Variants in TSHZ2 observed in about 807,000 individuals in gnomAD.
TSHZ2 encodes the protein teashirt homolog 2.
In TSHZ2, 21 loss-of-function variants were observed where a neutral mutation model predicts 74.4. The ratio of observed to expected loss-of-function variants is 0.28; its 90% CI spans 0.20 to 0.41. The LOEUF is 0.41. Among genes scored for constraint, TSHZ2 ranks in the 10% least tolerant of loss-of-function variants. The pLI is 1.00. For synonymous variants in TSHZ2, 540 were observed against 515.3 expected (o/e 1.05, Z -0.65); for missense variants, 1,244 against 1,293.5 (o/e 0.96, Z 0.59).
At chr20:53,413,996 C>T (rs1452834722) in intron 2 of TSHZ2, among the ~76,000 whole-genome samples, 1 of 152,040 alleles carries the variant, frequency 6.6e-6, no homozygotes, top group East Asian at 1.9e-4. Context: ...ACAAAATTAG[C>T]TGAGCATAGT....
At chr20:53,095,653 T>C (rs1365917458) in intron 1 of TSHZ2, among the ~76,000 whole-genome samples, 1 of 152,218 alleles carries the variant, frequency 6.6e-6, no homozygotes, top group African/African-American at 2.4e-5. Context: ...CTAAGCACTC[T>C]TGACATTTAG....
chr20:53,230,318 A>C (rs1234471130), intron 1 of TSHZ2, among the ~76,000 whole-genome samples: 1 of 152,156 alleles, frequency 6.6e-6, no homozygotes, highest in African/African-American at 2.4e-5. Context: ...TAGATTACAT[A>C]ATTTATTATT....
At chr20:53,115,843 C>T (rs1986653119) in intron 1 of TSHZ2, among the ~76,000 whole-genome samples, 1 of 151,978 alleles carries the variant, frequency 6.6e-6, no homozygotes, top group African/African-American at 2.4e-5. Flanking sequence ...AGGGGAGGCA[C>T]ATAAGCAGGA....
At chr20:53,163,349 G>C in intron 1 of TSHZ2, among the ~76,000 whole-genome samples, 1 of 128,014 alleles carries the variant, frequency 7.8e-6, no homozygotes, top group East Asian at 2.6e-4. Context: ...GTGCACGCAC[G>C]CTCTCTGTCT....
At chr20:53,293,100 C>T (rs568939203) in intron 2 of TSHZ2, among the ~76,000 whole-genome samples, 2 of 152,224 alleles carry the variant, frequency 1.3e-5, no homozygotes, top group African/African-American at 2.4e-5. Context: ...ACAAAGGCCA[C>T]GCTCTTAAGC....
chr20:53,202,987 G>A (rs1197275540), intron 1 of TSHZ2, among the ~76,000 whole-genome samples: 2 of 152,086 alleles, frequency 1.3e-5, no homozygotes, highest in African/African-American at 4.8e-5. Flanking sequence ...ATCATACGTA[G>A]GCAGATCAAG....
intron 1 of TSHZ2, among the ~76,000 whole-genome samples, chr20:53,157,406 GTT>G (rs369371699): frequency 1.6e-4 from 21 of 134,776 alleles, no homozygotes; most frequent in Admixed American, 2.2e-4. Flanking sequence ...CATTGAGTTG[GTT>G]TTTTTTTTTT....
In TSHZ2 at chr20:53,326,930, A is replaced by C. The variant is rs112181195; in HGVS notation, c.*8+70359A>C. 9.9e-3 allele frequency among the ~76,000 whole-genome samples: 1,505 copies of C among 152,350 alleles called. 21 individuals carry two copies. The highest frequency in any genetic ancestry group is 0.034 in the African/African-American group (1,434 of 41,572). ...CGAGATGAAAATTAGGTCCCGTGAT[A>C]CATAAGTTCAGATGTCCCTGGAAAG... is the stretch of plus-strand genomic sequence containing the variant. On this transcript the variant is annotated intron_variant, in intron 2 of 2. Transcript: ENST00000371497.
At chr20:53,135,467 A>T (rs1049299316) in intron 1 of TSHZ2, among the ~76,000 whole-genome samples, 21 of 152,322 alleles carry the variant, frequency 1.4e-4, no homozygotes, top group African/African-American at 4.8e-4. Context: ...TGCTGCCTGC[A>T]CCTGCCAATT....
intron 2 of TSHZ2, among the ~76,000 whole-genome samples, chr20:53,372,544 G>A (rs2145625242): frequency 6.6e-6 from 1 of 152,130 alleles, no homozygotes; most frequent in Middle Eastern, 3.4e-3. Context: ...AGGGAAGGAA[G>A]GACCCAGTTT....
At chr20:53,209,806 C>G (rs1989257045) in intron 1 of TSHZ2, among the ~76,000 whole-genome samples, 1 of 152,158 alleles carries the variant, frequency 6.6e-6, no homozygotes, top group African/African-American at 2.4e-5. Flanking sequence ...GTGGAACCTG[C>G]AGATGTGAAA....
At chr20:53,167,591 G>T (rs994145614) in intron 1 of TSHZ2, among the ~76,000 whole-genome samples, 1 of 152,136 alleles carries the variant, frequency 6.6e-6, no homozygotes, top group Non-Finnish European at 1.5e-5. Context: ...GTGTTTGTGT[G>T]TGTGTATGTG....
chr20:53,320,733 A>C (rs1438539710), intron 2 of TSHZ2, among the ~76,000 whole-genome samples: 2 of 152,086 alleles, frequency 1.3e-5, no homozygotes, highest in Admixed American at 1.3e-4. Context: ...TAAAAAAGGA[A>C]TTGTCCTACT....
chr20:53,252,010 T>C (rs964335975), intron 1 of TSHZ2, among the ~76,000 whole-genome samples: 1 of 152,224 alleles, frequency 6.6e-6, no homozygotes, highest in African/African-American at 2.4e-5. Context: ...AAAGCCTCAG[T>C]TTCCCCCTCT....
intron 2 of TSHZ2, among the ~76,000 whole-genome samples, chr20:53,459,865 T>C (rs1600657999): frequency 1.3e-5 from 2 of 152,064 alleles, no homozygotes; most frequent in East Asian, 3.9e-4. Flanking sequence ...TTCTTTTCTT[T>C]AAGAATGTTG....
chr20:53,078,184 CAA>C (rs1218526049), intron 1 of TSHZ2, among the ~76,000 whole-genome samples: 1 of 152,132 alleles, frequency 6.6e-6, no homozygotes, highest in African/African-American at 2.4e-5. Flanking sequence ...TTCCTGAAGT[CAA>C]AGATCTAAAC....
chr20:53,324,589 T>C (rs1979417401), intron 2 of TSHZ2, among the ~76,000 whole-genome samples: 2 of 152,094 alleles, frequency 1.3e-5, no homozygotes, highest in Admixed American at 1.3e-4. Context: ...TTGCTTAGGC[T>C]GGTCTCGAAC....
chr20:53,052,491 C>G (rs959394470), intron 1 of TSHZ2, among the ~76,000 whole-genome samples: 10 of 152,162 alleles, frequency 6.6e-5, no homozygotes, highest in African/African-American at 2.4e-4. Flanking sequence ...CATCCCAAAC[C>G]TCCTTCCTCC....
In TSHZ2 at chr20:53,074,576, A is replaced by C. The variant is rs1985309331; in HGVS notation, c.40+101243A>C. ...TAAACAGCTGGACAAAACTTGCAAA[A>C]CAATGAAGAAAGGAAAGAAAATAGT... On this transcript the variant is annotated intron_variant, in intron 1 of 2. Transcript: ENST00000371497. This position sits in a 1 kb window ranked among gnomAD's most constrained non-coding sequence, Gnocchi z 5.9. Among the ~76,000 whole-genome samples the C allele has an allele frequency of 6.6e-6, 1 of 152,220 alleles. No individual in the cohort carries two copies. The highest frequency in any genetic ancestry group is 1.5e-5 in the Non-Finnish European group (1 of 68,034).
Sources: allele counts gnomAD v4.1 joint callset (sites outside exome capture counted in the v4.1 genomes callset), GRCh38; gene constraint gnomAD v4.1.1; non-coding constraint Gnocchi (gnomAD v3.1); transcripts MANE v1.5; gene names NCBI Gene and HGNC (gene_info 2026-07-23, HGNC 2026-07-21).